MYO9B: variants seen among roughly 807,000 people sequenced by gnomAD.
The protein encoded by MYO9B is unconventional myosin-IXb.
MYO9B carries 71 observed loss-of-function variants against 229.5 expected under a neutral mutation model. The ratio of observed to expected loss-of-function variants is 0.31; its 90% CI spans 0.26 to 0.38. MYO9B has a LOEUF of 0.38. MYO9B is among the 10% of genes least tolerant of loss of function. The pLI is 1.00. For missense variants in MYO9B, 2,255 were observed against 2,920.5 expected, an observed-to-expected ratio of 0.77 and a Z score of 5.25; for synonymous variants, 1,185 against 1,235.8, an observed-to-expected ratio of 0.96 and a Z score of 0.86.
At chr19:17,100,750 C>G (rs2057737080) in intron 1 of MYO9B, among the ~76,000 whole-genome samples, 1 of 152,118 alleles carries the variant, frequency 6.6e-6, no homozygotes, top group Admixed American at 6.6e-5. Context: ...TTCTTCTCCC[C>G]AGTAGTCTGG....
chr19:17,111,462 T>C (rs1445104982), intron 2 of MYO9B, among the ~76,000 whole-genome samples: 1 of 152,234 alleles, frequency 6.6e-6, no homozygotes, highest in Non-Finnish European at 1.5e-5. Flanking sequence ...GTATAAATTA[T>C]ATCTGCAGTT....
intron 2 of MYO9B, among the ~76,000 whole-genome samples, chr19:17,116,905 A>G (rs1337796742): frequency 6.6e-6 from 1 of 152,118 alleles, no homozygotes; most frequent in African/African-American, 2.4e-5. Context: ...TGCCACATAA[A>G]ACAACACAGC....
In MYO9B at chr19:17,172,265, G is replaced by T; in HGVS notation, c.1794-71G>T. On this transcript the variant is annotated intron_variant, in intron 11 of 39. Coordinates refer to ENST00000682292, the MANE Select transcript of MYO9B (RefSeq NM_004145.4). This position sits in a 1 kb window ranked among gnomAD's most constrained non-coding sequence, Gnocchi z 8.2. Reference sequence around the variant, plus strand: ...CACCCACCTCGTGCACCAGGGGTCTGCAAGATAAAATACACAGCAGGTAAA... The same window carrying T: ...CACCCACCTCGTGCACCAGGGGTCTTCAAGATAAAATACACAGCAGGTAAA... 5 of 1,574,492 alleles carry T rather than the reference G, an allele frequency of 3.2e-6. No individual in the cohort carries two copies. The highest frequency in any genetic ancestry group is 3.5e-6 in the Non-Finnish European group (4 of 1,157,372).
intron 17 of MYO9B, among the ~76,000 whole-genome samples, chr19:17,185,476 G>A (rs1294665372): frequency 2.6e-5 from 4 of 151,498 alleles, no homozygotes; most frequent in Non-Finnish European, 5.9e-5. Context: ...AACCTGGGAG[G>A]CGGAGGCTGT....
At chr19:17,114,359 G>A (rs986311006) in intron 2 of MYO9B, among the ~76,000 whole-genome samples, 1 of 152,094 alleles carries the variant, frequency 6.6e-6, no homozygotes, top group East Asian at 1.9e-4. Context: ...TCCCTTGGGG[G>A]AGGTGACTGG....
At chr19:17,173,369 A>G (rs986830353) in intron 13 of MYO9B, among the ~76,000 whole-genome samples, 8 of 147,612 alleles carry the variant, frequency 5.4e-5, no homozygotes, top group African/African-American at 1.3e-4. Context: ...TAATGACGCA[A>G]TCTCGGCTCA....
At position 17,211,731 on chromosome 19, in the gene MYO9B, C is replaced by T. The variant is rs1335469228; in HGVS notation, c.6015C>T (p.Thr2005=). ...ENLDSETSAS[T]ESLLEERAGR... ...TGGACTCGGAGACGTCGGCCAGCAC[C>T]GAGAGCCTGCTGGAGGAGCGGGCCG... Residue 2005 remains threonine (T), a synonymous_variant, in exon 39 of 40, where the codon ACC becomes ACT. Transcript: ENST00000682292. 3.2e-5 allele frequency: 51 copies of T among 1,612,970 alleles called. No individual in the cohort carries two copies. Among genetic ancestry groups the T allele is most frequent in the Non-Finnish European group, 3.8e-5 (45 of 1,179,756 alleles).
At chr19:17,140,887 G>A (rs1240333222) in intron 2 of MYO9B, among the ~76,000 whole-genome samples, 1 of 151,456 alleles carries the variant, frequency 6.6e-6, no homozygotes, top group Admixed American at 6.6e-5. Context: ...GAGATCACTT[G>A]GGGTCAGGAG....
intron 1 of MYO9B, among the ~76,000 whole-genome samples, chr19:17,091,845 G>T (rs1162911785): frequency 6.6e-6 from 1 of 152,194 alleles, no homozygotes; most frequent in Non-Finnish European, 1.5e-5. Flanking sequence ...CTGGGGGCGG[G>T]GCACGCATCT....
At position 17,204,564 on chromosome 19, in the gene MYO9B, C is replaced by T. The variant is rs189338708; in HGVS notation, c.4991-699C>T. On this transcript the variant is annotated intron_variant, in intron 30 of 39. Transcript: ENST00000682292. ...CAGTGTGGGTTTAGAAGTTGGCAGG[C>T]CAGGCACAGTGGCTCACACCTGTAA... Among the ~76,000 whole-genome samples, 18 of 152,012 alleles carry T rather than the reference C, an allele frequency of 1.2e-4. No homozygotes were observed. The East Asian group carries it at 3.6e-3, about 30-fold the overall frequency.
intron 1 of MYO9B, among the ~76,000 whole-genome samples, chr19:17,083,579 T>C (rs1034879633): frequency 6.6e-6 from 1 of 151,824 alleles, no homozygotes; most frequent in Middle Eastern, 3.4e-3. Flanking sequence ...TTCCGGGTTC[T>C]GTTGACTCCT....
chr19:17,082,563 G>A lies in MYO9B; in HGVS notation c.-59+6689G>A, dbSNP rs111918063. ...TCGGGGGCAGGAGGGTGACATTTGAGATTTTGATTCCCAGGGTATGGGTAC... is the reference window on the plus strand; with the variant it reads ...TCGGGGGCAGGAGGGTGACATTTGAAATTTTGATTCCCAGGGTATGGGTAC... On this transcript the variant is annotated intron_variant, in intron 1 of 39. Transcript: ENST00000682292. Among the ~76,000 whole-genome samples, 127 of 152,194 alleles carry A rather than the reference G, an allele frequency of 8.3e-4. 2 individuals are homozygous for A. Among genetic ancestry groups the A allele is most frequent in the African/African-American group, 2.9e-3 (122 of 41,528 alleles).
rs1001545963 is a variant in MYO9B at position 17,163,032 on chromosome 19, C to T, written c.1581C>T (p.Phe527=). The change falls in exon 10 of 40, where the codon TTC becomes TTT. Residue 527 remains phenylalanine, a synonymous_variant. Coordinates refer to ENST00000682292, the MANE Select transcript of MYO9B (RefSeq NM_004145.4). ...GVLDIFGFED[F]ERNSFEQFCI... ...TGGACATCTTCGGGTTTGAAGACTT[C>T]GAGAGGAACAGCTTTGAGCAGTTCT... 4 of 1,607,082 alleles carry T rather than the reference C, an allele frequency of 2.5e-6. No individual in the cohort carries two copies. Among genetic ancestry groups the T allele is most frequent in the South Asian group, 2.2e-5 (2 of 89,492 alleles).
chr19:17,175,561 A>T, intron 13 of MYO9B, 102 bp from the exon 14 acceptor site: 1 of 906,430 alleles, frequency 1.1e-6, no homozygotes, highest in East Asian at 3.1e-5. Context: ...CCTGGGTGAC[A>T]GAGCAAGACT....
Position 17,145,502 on chromosome 19 carries a change from C to T in MYO9B, c.935+11C>T. ...TGGCATCGTGAGAGGGTGAGGTGTC[C>T]CTGGGGTCCCCACTGGTGGGAGCTG... is the stretch of plus-strand genomic sequence containing the variant. On this transcript the variant is annotated intron_variant, in intron 3 of 39. Transcript: ENST00000682292. 6.2e-7 allele frequency: 1 copy of T among 1,611,060 alleles called. No individual in the cohort carries two copies. Among genetic ancestry groups the T allele is most frequent in the Non-Finnish European group, 8.5e-7 (1 of 1,177,374 alleles).
At position 17,101,674 on chromosome 19, in the gene MYO9B, C is replaced by T. The variant is rs778975246; in HGVS notation, c.-44C>T. 65 of 1,508,412 alleles carry T rather than the reference C, an allele frequency of 4.3e-5. No individual in the cohort carries two copies. The highest frequency in any genetic ancestry group is 2.2e-4 in the Admixed American group (10 of 46,340). The allele number at this position is 1,508,412 out of a possible 1,614,324, so 93.4% of individuals were successfully genotyped here. On this transcript the variant is annotated 5_prime_UTR_variant, in exon 2 of 40. Transcript: ENST00000682292. This position sits in a 1 kb window ranked among gnomAD's most constrained non-coding sequence, Gnocchi z 4.7. Reference sequence around the variant, plus strand: ...CTCCCTTCTAGCTCCAGGACACGCGCGCCCCGAGCCTGGGAGGCATGCTGA... The same window carrying T: ...CTCCCTTCTAGCTCCAGGACACGCGTGCCCCGAGCCTGGGAGGCATGCTGA...
intron 1 of MYO9B, among the ~76,000 whole-genome samples, chr19:17,079,051 A>G (rs1193221999): frequency 6.6e-6 from 1 of 152,248 alleles, no homozygotes; most frequent in Non-Finnish European, 1.5e-5. Context: ...ATGAGATGCC[A>G]GTAGTATTCC....
chr19:17,202,743 G>C lies in MYO9B; in HGVS notation c.4837-99G>C. The C allele has an allele frequency of 3.2e-6, 4 of 1,246,288 alleles. No homozygotes were observed. The Admixed American group carries it at 8.5e-5, about 26-fold the overall frequency. The allele number at this position is 1,246,288 out of a possible 1,614,324, so 77.2% of individuals were successfully genotyped here. ...ATGATGCCACTCCAGGTGAGGGAGGGTTCAGGGTACCCACACGCCTGAGTT... is the reference window on the plus strand; with the variant it reads ...ATGATGCCACTCCAGGTGAGGGAGGCTTCAGGGTACCCACACGCCTGAGTT... On this transcript the variant is annotated intron_variant, in intron 28 of 39. Coordinates refer to ENST00000682292, the MANE Select transcript of MYO9B (RefSeq NM_004145.4).
intron 22 of MYO9B, 131 bp from the exon 23 acceptor site, chr19:17,197,661 G>C: frequency 2.0e-6 from 2 of 1,020,014 alleles, no homozygotes. Context: ...AACCAAAACT[G>C]TCTCTAGACA....
Sources: gnomAD v4.1 joint callset for allele counts (sites outside exome capture counted in the v4.1 genomes callset) on GRCh38, gnomAD v4.1.1 for gene constraint, Gnocchi (gnomAD v3.1) non-coding constraint, MANE v1.5 for transcripts, NCBI Gene and HGNC (gene_info 2026-07-23, HGNC 2026-07-21) for gene names.